Variants in FMN2 observed in about 807,000 individuals in gnomAD.
The protein encoded by FMN2 is formin 2.
In FMN2, 51 loss-of-function variants were observed where a neutral mutation model predicts 142.3. That is an observed-to-expected ratio of 0.36 (90% CI 0.29 to 0.45). The LOEUF (loss-of-function observed/expected upper bound fraction) is 0.45, where lower values mean the gene tolerates loss of function less well. Among genes scored for constraint, FMN2 ranks in the 20% least tolerant of loss-of-function variants. The pLI is 1.00. For missense variants in FMN2, 1,936 were observed against 2,122.8 expected (o/e 0.91, Z 1.73); for synonymous variants, 882 against 869.8 (o/e 1.01, Z -0.25).
chr1:240,455,627 A>G (rs1424729548), intron 16 of FMN2, among the ~76,000 whole-genome samples: 2 of 152,090 alleles, frequency 1.3e-5, no homozygotes, highest in Non-Finnish European at 2.9e-5. Flanking sequence ...ATAGTGAGCT[A>G]TGCTCATGCT....
intron 14 of FMN2, among the ~76,000 whole-genome samples, chr1:240,368,429 T>G (rs1465477196): frequency 6.6e-6 from 1 of 152,206 alleles, no homozygotes; most frequent in Non-Finnish European, 1.5e-5. Flanking sequence ...TCATTAAGAT[T>G]TCCATATGTT....
intron 7 of FMN2, among the ~76,000 whole-genome samples, chr1:240,291,857 T>G (rs547023633): frequency 1.3e-3 from 203 of 152,290 alleles, no homozygotes; most frequent in African/African-American, 4.6e-3. Context: ...GTTCTAATAG[T>G]TGAATTTATG....
intron 15 of FMN2, among the ~76,000 whole-genome samples, chr1:240,436,671 C>T (rs546827549): frequency 1.1e-3 from 54 of 50,388 alleles, no homozygotes; most frequent in African/African-American, 5.0e-3. Flanking sequence ...TGTGAGACTC[C>T]GTCTCAAAAA....
chr1:240,289,175 G>A (rs1206602863), intron 7 of FMN2, among the ~76,000 whole-genome samples: 1 of 152,188 alleles, frequency 6.6e-6, no homozygotes, highest in Non-Finnish European at 1.5e-5. Flanking sequence ...AAAGATTAAA[G>A]TAGGTGACTG....
At chr1:240,145,411 G>A in intron 2 of FMN2, 1 of 480,774 alleles carries the variant, frequency 2.1e-6, no homozygotes, top group Non-Finnish European at 3.7e-6. Flanking sequence ...TAATTTTCAT[G>A]GATACATAGT....
At chr1:240,217,012 T>C (rs1239550756) in intron 6 of FMN2, among the ~76,000 whole-genome samples, 4 of 152,184 alleles carry the variant, frequency 2.6e-5, no homozygotes, top group Non-Finnish European at 5.9e-5. Flanking sequence ...ATCATTCAGC[T>C]GCTCTTATAT....
intron 13 of FMN2, among the ~76,000 whole-genome samples, chr1:240,340,408 C>T (rs1046866157): frequency 6.6e-6 from 1 of 151,884 alleles, no homozygotes; most frequent in East Asian, 1.9e-4. Flanking sequence ...TGGTGAAACC[C>T]CATCTCTACT....
At chr1:240,121,517 A>T (rs1450979363) in intron 1 of FMN2, among the ~76,000 whole-genome samples, 1 of 151,416 alleles carries the variant, frequency 6.6e-6, no homozygotes, top group Non-Finnish European at 1.5e-5. Flanking sequence ...CTGGGACTAC[A>T]GGCGCTGGCC....
At position 240,453,831 on chromosome 1, in the gene FMN2, G is replaced by T. The variant is rs532255003; in HGVS notation, c.5060+15621G>T. 3.0e-3 allele frequency among the ~76,000 whole-genome samples: 170 copies of T among 56,814 alleles called. 73 individuals are homozygous for T. Among genetic ancestry groups the T allele is most frequent in the Non-Finnish European group, 6.5e-3 (151 of 23,168 alleles). The allele number at this position is 56,814 out of a possible 152,430, so 37.3% of individuals were successfully genotyped here. ...GGTGAAACCCCGTCTCTACTAAAAA[G>T]ACAAAAAATTAGCCGGGCGCGGTGG... On this transcript the variant is annotated intron_variant, in intron 16 of 17. Transcript: ENST00000319653.
rs1176978584 is a variant in FMN2 at position 240,474,942 on chromosome 1, CTTACTT to C, written c.*791_*796del. On this transcript the variant is annotated 3_prime_UTR_variant, in exon 18 of 18. Transcript: ENST00000319653. Reference sequence around the variant, plus strand: ...TTTGTATTTATGTAAAGTATGGTCTCTTACTTTTTAGTTTGTAGTTTAAGTGCAAAG... The same window carrying C: ...TTTGTATTTATGTAAAGTATGGTCTCTTTAGTTTGTAGTTTAAGTGCAAAG... 1 of 152,480 alleles carries C rather than the reference CTTACTT, an allele frequency of 6.6e-6. No homozygotes were observed. Among genetic ancestry groups the C allele is most frequent in the African/African-American group, 2.4e-5 (1 of 41,404 alleles). The allele number at this position is 152,480 out of a possible 1,614,324, so 9.4% of individuals were successfully genotyped here. A position where few individuals can be genotyped will look rare whatever the true frequency, so the allele number is the denominator to read the frequency against.
chr1:240,317,078 G>A (rs12117886), intron 8 of FMN2, among the ~76,000 whole-genome samples: 31,352 of 151,962 alleles, frequency 0.21, 3,504 homozygotes, highest in Admixed American at 0.33. Context: ...AGGCTGAGGC[G>A]GGCTGATCAC....
At chr1:240,451,954 G>A (rs1368602247) in intron 16 of FMN2, among the ~76,000 whole-genome samples, 1 of 151,962 alleles carries the variant, frequency 6.6e-6, no homozygotes, top group East Asian at 1.9e-4. Context: ...TATATTGGGA[G>A]GCCGAGGTGG....
At position 240,214,930 on chromosome 1, in the gene FMN2, G is replaced by A. The variant is rs372896211; in HGVS notation, c.4065+3695G>A. ...AAAATATAAAAATTAGCTGGGTGCA[G>A]TGGTGCATGTCTGTCATCCCAGCTA... On this transcript the variant is annotated intron_variant, in intron 6 of 17. Transcript: ENST00000319653. 6.3e-4 allele frequency among the ~76,000 whole-genome samples: 96 copies of A among 152,306 alleles called. 3 individuals are homozygous for A. In the South Asian group the frequency reaches 0.019, roughly 30 times the overall value.
chr1:240,227,527 A>C (rs771616533), intron 6 of FMN2, among the ~76,000 whole-genome samples: 8 of 152,204 alleles, frequency 5.3e-5, no homozygotes, highest in Non-Finnish European at 1.2e-4. Flanking sequence ...ACAAAGTTGG[A>C]AGCCTCCTGA....
intron 2 of FMN2, chr1:240,145,391 C>G (rs1248407259): frequency 5.8e-6 from 3 of 518,996 alleles, no homozygotes; most frequent in Non-Finnish European, 1.0e-5. Context: ...TGCCACTGCC[C>G]TTTATTTTTT....
At position 240,092,069 on chromosome 1, in the gene FMN2, T is replaced by C; in HGVS notation, c.-41T>C. On this transcript the variant is annotated 5_prime_UTR_variant, in exon 1 of 18. An upstream open reading frame in the 5' UTR loses its in-frame stop. Transcript: ENST00000319653. ...GGGGCCGAGGAGGGCCGGGATGGCC[T>C]GAGTGCCCGCGGCGCGGCGGCGCAG... 6.6e-7 allele frequency: 1 copy of C among 1,524,182 alleles called. No homozygotes were observed. The highest frequency in any genetic ancestry group is 8.8e-7 in the Non-Finnish European group (1 of 1,137,810). 94.4% of individuals were successfully genotyped at this position (1,524,182 alleles called of 1,614,324 possible).
Position 240,355,006 on chromosome 1 carries a change from A to T in FMN2, c.4766-810A>T, listed in dbSNP as rs188117312. On this transcript the variant is annotated intron_variant, in intron 13 of 17. Coordinates refer to ENST00000319653, the MANE Select transcript of FMN2 (RefSeq NM_020066.5). ...ATTTCTTCAGAATCTTCTTAGAGGT[A>T]CTTCTCAATATTAACCCAAATGGAA... Among the ~76,000 whole-genome samples the T allele has an allele frequency of 2.6e-3, 398 of 152,272 alleles. 3 individuals carry two copies. The highest frequency in any genetic ancestry group is 8.8e-3 in the African/African-American group (365 of 41,562).
rs531759941 is a variant in FMN2 at position 240,116,239 on chromosome 1, C to T, written c.1616-6940C>T. ...CTCCGCTCTGTCTTCAGAGGCTTCACGTAGCTGCCCCAACTGCCCCATGCA... is the reference window on the plus strand; with the variant it reads ...CTCCGCTCTGTCTTCAGAGGCTTCATGTAGCTGCCCCAACTGCCCCATGCA... On this transcript the variant is annotated intron_variant, in intron 1 of 17. Coordinates refer to ENST00000319653, the MANE Select transcript of FMN2 (RefSeq NM_020066.5). Among the ~76,000 whole-genome samples the T allele has an allele frequency of 1.1e-4, 17 of 152,308 alleles. No individual in the cohort carries two copies. The South Asian group carries it at 1.5e-3, about 13-fold the overall frequency.
chr1:240,201,098 A>G (rs1194895954), intron 4 of FMN2, among the ~76,000 whole-genome samples: 2 of 152,162 alleles, frequency 1.3e-5, no homozygotes, highest in Non-Finnish European at 2.9e-5. Context: ...TTTATTATCT[A>G]AGTACCCTCA....
Sources: allele counts gnomAD v4.1 joint callset (sites outside exome capture counted in the v4.1 genomes callset), GRCh38; gene constraint gnomAD v4.1.1; transcripts MANE v1.5; gene names NCBI Gene and HGNC (gene_info 2026-07-23, HGNC 2026-07-21).